LHFPL3: variants seen among roughly 807,000 people sequenced by gnomAD.
LHFPL3 encodes LHFPL tetraspan subfamily member 3.
Under a neutral mutation model 19.3 loss-of-function variants are expected in LHFPL3, and 5 were observed. The ratio of observed to expected loss-of-function variants is 0.26; its 90% CI spans 0.14 to 0.54. The LOEUF (loss-of-function observed/expected upper bound fraction) is 0.54, where lower values mean the gene tolerates loss of function less well. LHFPL3 is among the 20% of genes least tolerant of loss of function. The pLI is 0.94. For synonymous variants in LHFPL3, 133 were observed against 126.2 expected, an observed-to-expected ratio of 1.05 and a Z score of -0.36; for missense variants, 249 against 307.4, an observed-to-expected ratio of 0.81 and a Z score of 1.42.
intron 1 of LHFPL3, among the ~76,000 whole-genome samples, chr7:104,625,694 C>T (rs1791530787): frequency 1.3e-5 from 2 of 152,190 alleles, no homozygotes; most frequent in Admixed American, 6.5e-5. Context: ...ATTGGCTGCC[C>T]TCCACCTCCA....
intron 2 of LHFPL3, among the ~76,000 whole-genome samples, chr7:104,873,367 T>C (rs1259332575): frequency 1.3e-5 from 2 of 152,190 alleles, no homozygotes; most frequent in African/African-American, 4.8e-5. Context: ...CAGAAGATCC[T>C]ATTAAGACAA....
chr7:104,901,828 C>T (rs767250582), intron 2 of LHFPL3, among the ~76,000 whole-genome samples: 6 of 152,070 alleles, frequency 3.9e-5, no homozygotes, highest in Non-Finnish European at 8.8e-5. Flanking sequence ...CTTAGCCTCC[C>T]GAAGTGCTGG....
chr7:104,485,026 G>A (rs939547936), intron 1 of LHFPL3, among the ~76,000 whole-genome samples: 8 of 152,122 alleles, frequency 5.3e-5, no homozygotes, highest in Non-Finnish European at 1.2e-4. Context: ...GACACTGGGT[G>A]GGGAGAACAG....
chr7:104,869,072 A>C (rs1257404314), intron 2 of LHFPL3, among the ~76,000 whole-genome samples: 1 of 152,230 alleles, frequency 6.6e-6, no homozygotes, highest in Non-Finnish European at 1.5e-5. Flanking sequence ...TACAAAAATT[A>C]ATTCAAGATG....
At chr7:104,732,475 T>G (rs1057325625) in intron 1 of LHFPL3, among the ~76,000 whole-genome samples, 3 of 152,206 alleles carry the variant, frequency 2.0e-5, no homozygotes, top group Admixed American at 1.3e-4. Context: ...GTCCAGGAAT[T>G]TATCCATTTC....
In LHFPL3 at chr7:104,718,303, A is replaced by G. The variant is rs531007731; in HGVS notation, c.446-18372A>G. 4.6e-4 allele frequency among the ~76,000 whole-genome samples: 70 copies of G among 152,326 alleles called. No homozygotes were observed. The South Asian group carries it at 0.014, about 31-fold the overall frequency. On this transcript the variant is annotated intron_variant, in intron 1 of 2. Transcript: ENST00000424859. ...GGGTGAATATAATGTCCTTACCCAC[A>G]ATGAAATAAAATTAAGGGGGAAAAA...
intron 1 of LHFPL3, among the ~76,000 whole-genome samples, chr7:104,587,251 T>C (rs1424166449): frequency 6.6e-6 from 1 of 152,200 alleles, no homozygotes; most frequent in African/African-American, 2.4e-5. Context: ...GTGTATCTCC[T>C]AATGCTATCC....
chr7:104,403,986 G>C (rs1019864539), intron 1 of LHFPL3, among the ~76,000 whole-genome samples: 1 of 152,116 alleles, frequency 6.6e-6, no homozygotes, highest in African/African-American at 2.4e-5. Context: ...AGTTTTATTG[G>C]AACACAGCCA....
Position 104,807,858 on chromosome 7 carries a change from T to C in LHFPL3, c.682+70947T>C, listed in dbSNP as rs150130109. On this transcript the variant is annotated intron_variant, in intron 2 of 2. Coordinates refer to ENST00000424859, the MANE Select transcript of LHFPL3 (RefSeq NM_199000.3). Reference sequence around the variant, plus strand: ...CACACTCATGATTGAAGCTTCTGAATGTCCTTATTGAATGCATTGGTAGAC... The same window carrying C: ...CACACTCATGATTGAAGCTTCTGAACGTCCTTATTGAATGCATTGGTAGAC... Among the ~76,000 whole-genome samples the C allele has an allele frequency of 4.7e-4, 72 of 152,382 alleles. No individual in the cohort carries two copies. The East Asian group carries it at 0.012, about 25-fold the overall frequency.
At chr7:104,891,652 A>T (rs1792248313) in intron 2 of LHFPL3, among the ~76,000 whole-genome samples, 1 of 152,244 alleles carries the variant, frequency 6.6e-6, no homozygotes, top group Non-Finnish European at 1.5e-5. Context: ...AATAAAATGA[A>T]CGCCTGGGCA....
chr7:104,404,135 T>C (rs868811299), intron 1 of LHFPL3, among the ~76,000 whole-genome samples: 6 of 152,276 alleles, frequency 3.9e-5, no homozygotes, highest in Middle Eastern at 6.8e-3. Flanking sequence ...TAACCCCTGC[T>C]CTAGAGAGAT....
In LHFPL3 at chr7:104,906,318, A is replaced by C. The variant is rs74700377; in HGVS notation, c.*103A>C. On this transcript the variant is annotated 3_prime_UTR_variant, in exon 3 of 3. Transcript: ENST00000424859. ...CATCAAGAAGGAATACGCCTGAGAG[A>C]GATCAGAGTATATAGATGAATATGA... The C allele has an allele frequency of 2.3e-5, 30 of 1,306,822 alleles. No individual in the cohort carries two copies. The African/African-American group carries it at 2.9e-4, about 13-fold the overall frequency. The allele number at this position is 1,306,822 out of a possible 1,614,324, so 81.0% of individuals were successfully genotyped here. A position where few individuals can be genotyped will look rare whatever the true frequency, so the allele number is the denominator to read the frequency against.
At chr7:104,557,667 T>C (rs1173353286) in intron 1 of LHFPL3, among the ~76,000 whole-genome samples, 1 of 152,084 alleles carries the variant, frequency 6.6e-6, no homozygotes, top group Non-Finnish European at 1.5e-5. Context: ...ATTTTTTATT[T>C]TTATTTTTAT....
intron 1 of LHFPL3, among the ~76,000 whole-genome samples, chr7:104,694,405 TA>T (rs1185701870): frequency 6.6e-6 from 1 of 152,196 alleles, no homozygotes; most frequent in East Asian, 1.9e-4. Flanking sequence ...AAACCAGATT[TA>T]ATAGTCTTAG....
intron 2 of LHFPL3, among the ~76,000 whole-genome samples, chr7:104,905,235 T>A (rs1792574498): frequency 6.6e-6 from 1 of 152,054 alleles, no homozygotes. Flanking sequence ...GGATTACAAG[T>A]GTGAGCCGTA....
chr7:104,723,663 A>G (rs1052564005), intron 1 of LHFPL3, among the ~76,000 whole-genome samples: 3 of 138,934 alleles, frequency 2.2e-5, no homozygotes, highest in South Asian at 2.5e-4. Context: ...TAGAGGTTGC[A>G]GTGAGCCAAG....
At chr7:104,552,273 G>A (rs1057030636) in intron 1 of LHFPL3, among the ~76,000 whole-genome samples, 3 of 152,282 alleles carry the variant, frequency 2.0e-5, no homozygotes, top group South Asian at 2.1e-4. Flanking sequence ...CAAGACCAAC[G>A]CCTAGTGACT....
chr7:104,851,291 GT>G (rs1791410750), intron 2 of LHFPL3, among the ~76,000 whole-genome samples: 1 of 152,194 alleles, frequency 6.6e-6, no homozygotes, highest in Admixed American at 6.5e-5. Context: ...GTGGCTGGGT[GT>G]TTTCTGAGCA....
At chr7:104,519,621 G>T (rs1287257205) in intron 1 of LHFPL3, among the ~76,000 whole-genome samples, 1 of 152,066 alleles carries the variant, frequency 6.6e-6, no homozygotes, top group Non-Finnish European at 1.5e-5. Flanking sequence ...TACTCCTCCA[G>T]CTGATCTCTT....
Sources: allele counts gnomAD v4.1 joint callset (sites outside exome capture counted in the v4.1 genomes callset), GRCh38; gene constraint gnomAD v4.1.1; transcripts MANE v1.5; gene names NCBI Gene and HGNC (gene_info 2026-07-23, HGNC 2026-07-21).